Variants in CFAP74 observed in about 807,000 individuals in gnomAD.
CFAP74 encodes cilia and flagella associated protein 74.
CFAP74 carries 124 observed loss-of-function variants against 188.9 expected under a neutral mutation model. The observed-to-expected ratio is 0.66, with a 90% CI of 0.57 to 0.76. The LOEUF is 0.76. CFAP74 is among the 30% of genes least tolerant of loss of function. The pLI, the probability that CFAP74 is intolerant of heterozygous loss-of-function variation, is 0.00. For synonymous variants in CFAP74, 956 were observed against 916.7 expected, an observed-to-expected ratio of 1.04 and a Z score of -0.77; for missense variants, 2,198 against 2,165.2, an observed-to-expected ratio of 1.02 and a Z score of -0.30.
At chr1:2,000,508 C>T (rs1658156578) in intron 1 of CFAP74, among the ~76,000 whole-genome samples, 2 of 152,194 alleles carry the variant, frequency 1.3e-5, no homozygotes, top group Admixed American at 6.5e-5. Flanking sequence ...CAAAGTACCA[C>T]AACCTAGGTG....
chr1:1,973,370 G>A lies in CFAP74; in HGVS notation c.675-323C>T, dbSNP rs771466455. 2.0e-5 allele frequency among the ~76,000 whole-genome samples: 3 copies of A among 152,182 alleles called. No individual in the cohort carries two copies. Among genetic ancestry groups the A allele is most frequent in the Non-Finnish European group, 4.4e-5 (3 of 68,032 alleles). ...GTGGGGAGGGAGGAGGCAGGGGCTG[G>A]GGACCTTGTGTCTGCAGCCAGGGCC... is the stretch of plus-strand genomic sequence containing the variant. On this transcript the variant is annotated intron_variant, in intron 7 of 38. Coordinates refer to ENST00000682832, the MANE Select transcript of CFAP74 (RefSeq NM_001304360.2). This position sits in a 1 kb window ranked among gnomAD's most constrained non-coding sequence, Gnocchi z 6.2.
chr1:1,991,979 G>A (rs1657606974), intron 1 of CFAP74, among the ~76,000 whole-genome samples: 1 of 151,352 alleles, frequency 6.6e-6, no homozygotes, highest in Admixed American at 6.6e-5. Context: ...GGCGGAGCTT[G>A]CAGTGAGCCG....
In CFAP74 at chr1:1,968,347, C is replaced by G. The variant is rs1473581996; in HGVS notation, c.1245+288G>C. ...GTGGTCCCAGCCTGGTGGGCAGCAA[C>G]ACTGCTGGGGGTGACGCAGGGTCTG... On this transcript the variant is annotated intron_variant, in intron 11 of 38. Coordinates refer to ENST00000682832, the MANE Select transcript of CFAP74 (RefSeq NM_001304360.2). The surrounding 1 kb of genome is among the most constrained non-coding windows in gnomAD (Gnocchi z 4.3). Among the ~76,000 whole-genome samples, 1 of 152,116 alleles carries G rather than the reference C, an allele frequency of 6.6e-6. No homozygotes were observed. Among genetic ancestry groups the G allele is most frequent in the Non-Finnish European group, 1.5e-5 (1 of 68,004 alleles).
chr1:1,960,013 GGGCCA>G lies in CFAP74; in HGVS notation c.1707_1711del (p.Gly570ProfsTer8). On this transcript the variant is annotated frameshift_variant, in exon 15 of 39. Transcript: ENST00000682832. LOFTEE classifies it high-confidence loss of function. ...TTCACAGGACATTCCGGCTGACAGG[GGGCCA>G]GGGGGGTCAAAGCTGCAGGACGTGA... The G allele has an allele frequency of 6.3e-7, 1 of 1,593,062 alleles. No individual in the cohort carries two copies. Among genetic ancestry groups the G allele is most frequent in the Non-Finnish European group, 8.5e-7 (1 of 1,171,634 alleles).
chr1:1,943,795 C>T (rs977476149), intron 21 of CFAP74, among the ~76,000 whole-genome samples: 3 of 152,238 alleles, frequency 2.0e-5, no homozygotes, highest in Admixed American at 1.3e-4. Context: ...TCTCCACGTC[C>T]TGGAGGTCAG....
intron 6 of CFAP74, among the ~76,000 whole-genome samples, chr1:1,978,628 G>A (rs1056407940): frequency 1.1e-4 from 17 of 152,160 alleles, no homozygotes; most frequent in Non-Finnish European, 2.2e-4. Context: ...TGGAAAAGGC[G>A]AGGACATGGA....
chr1:1,937,793 CAG>C (rs1280215733), intron 25 of CFAP74, among the ~76,000 whole-genome samples: 4 of 144,934 alleles, frequency 2.8e-5, no homozygotes, highest in Non-Finnish European at 4.6e-5. Context: ...CAGGGAGGTG[CAG>C]AGACTGGCTG....
At chr1:2,001,807 G>A (rs1239459323) in intron 1 of CFAP74, among the ~76,000 whole-genome samples, 1 of 152,174 alleles carries the variant, frequency 6.6e-6, no homozygotes, top group Non-Finnish European at 1.5e-5. Context: ...TGTCCGAGAC[G>A]TGCAGTGGGA....
intron 2 of CFAP74, 95 bp downstream of exon 2, chr1:1,990,795 C>T: frequency 2.3e-6 from 2 of 885,172 alleles, no homozygotes; most frequent in Admixed American, 5.4e-5. Context: ...GATACCCTCT[C>T]CCAGAAATAA....
chr1:1,952,772 T>C (rs769888702), intron 18 of CFAP74, among the ~76,000 whole-genome samples: 1 of 152,014 alleles, frequency 6.6e-6, no homozygotes, highest in Non-Finnish European at 1.5e-5. Context: ...TTCCTGCCTT[T>C]GTCCCCCAAG....
intron 6 of CFAP74, among the ~76,000 whole-genome samples, chr1:1,980,020 G>T (rs1405862189): frequency 4.6e-5 from 7 of 151,334 alleles, no homozygotes; most frequent in Non-Finnish European, 1.0e-4. Flanking sequence ...CATGGGAGAG[G>T]CCCAAAGGCT....
chr1:1,935,341 G>T (rs1652810836), intron 25 of CFAP74, among the ~76,000 whole-genome samples: 1 of 92,404 alleles, frequency 1.1e-5, no homozygotes, highest in Non-Finnish European at 2.3e-5. Flanking sequence ...TGTGTACGTG[G>T]GTGTTAGGTT....
In CFAP74 at chr1:1,972,026, C is replaced by G. The variant is rs375945137; in HGVS notation, c.842G>C (p.Arg281Pro). 6.2e-6 allele frequency: 10 copies of G among 1,612,884 alleles called. No individual in the cohort carries two copies. Among genetic ancestry groups the G allele is most frequent in the South Asian group, 4.4e-5 (4 of 91,088 alleles). ...EMECHEYMRR[R>P]MDAVVALKGS... ...CTTCAGCGCCACCACCGCATCCATG[C>G]GTCGCCTCATGTACTCGTGGCACTC... The change falls in exon 9 of 39, where the codon CGC becomes CCC. Residue 281 changes from arginine (R) to proline (P), a missense_variant. Arg to Pro is a moderately radical substitution (Grantham distance 103). Coordinates refer to ENST00000682832, the MANE Select transcript of CFAP74 (RefSeq NM_001304360.2).
intron 22 of CFAP74, 91 bp from the exon 23 acceptor site, chr1:1,940,494 G>A (rs1475495015): frequency 3.5e-5 from 31 of 874,386 alleles, no homozygotes; most frequent in African/African-American, 5.1e-5. Flanking sequence ...TCTACATCCC[G>A]TGAGAGCTAC....
intron 6 of CFAP74, among the ~76,000 whole-genome samples, chr1:1,982,378 C>T (rs1436155251): frequency 6.6e-6 from 1 of 152,190 alleles, no homozygotes; most frequent in East Asian, 1.9e-4. Flanking sequence ...TGCAGGAGTC[C>T]CAGCTGTGGT....
Position 1,988,881 on chromosome 1 carries a change from C to T in CFAP74, c.152+8G>A, listed in dbSNP as rs201458385. 10 of 1,409,430 alleles carry T rather than the reference C, an allele frequency of 7.1e-6. No homozygotes were observed. The highest frequency in any genetic ancestry group is 2.9e-5 in the African/African-American group (2 of 68,392). The allele number at this position is 1,409,430 out of a possible 1,614,324, so 87.3% of individuals were successfully genotyped here. On this transcript the variant is annotated splice_region_variant and intron_variant, in intron 3 of 38. Transcript: ENST00000682832. ...ACACCCACCTCCACCCCCGATCCTCCGAGTTACCTGCTGTGTCCCGGGTCC... is the reference window on the plus strand; with the variant it reads ...ACACCCACCTCCACCCCCGATCCTCTGAGTTACCTGCTGTGTCCCGGGTCC...
chr1:1,931,545 GCTAACACGGCGAAAC>G (rs1376579550), intron 25 of CFAP74, among the ~76,000 whole-genome samples: 1 of 149,274 alleles, frequency 6.7e-6, no homozygotes, highest in Non-Finnish European at 1.5e-5. Context: ...GACCATCCTG[GCTAACACGGCGAAAC>G]CCCGTCGCTA....
chr1:1,975,694 G>A lies in CFAP74; in HGVS notation c.501-1496C>T, dbSNP rs1656391557. 6.6e-6 allele frequency among the ~76,000 whole-genome samples: 1 copy of A among 152,180 alleles called. No homozygotes were observed. The highest frequency in any genetic ancestry group is 1.5e-5 in the Non-Finnish European group (1 of 68,040). ...CCCCAAGTCTGGGGGACTCCGCGGA[G>A]CTTCCACGGGCGGGTTATTTCTATT... On this transcript the variant is annotated intron_variant, in intron 6 of 38. Coordinates refer to ENST00000682832, the MANE Select transcript of CFAP74 (RefSeq NM_001304360.2). The surrounding 1 kb of genome is among the most constrained non-coding windows in gnomAD (Gnocchi z 4.5).
chr1:1,926,906 G>A lies in CFAP74; in HGVS notation c.3650C>T (p.Pro1217Leu), dbSNP rs1161767183. Reference protein sequence around the residue: ...GDIKDRKGSEPLSFSPHNTLY... With the variant: ...GDIKDRKGSELLSFSPHNTLY... ...GAGCACCCCGCACCTGAAGCTCAGG[G>A]GTTCTGACCCCTTCCTGTCTTTGAT... is the stretch of plus-strand genomic sequence containing the variant. The change falls in exon 29 of 39, where the codon CCC (proline) becomes CTC (leucine). Residue 1217 changes from proline (P) to leucine (L), a missense_variant. Physicochemically the swap from Pro to Leu is moderately conservative, Grantham distance 98. Coordinates refer to ENST00000682832, the MANE Select transcript of CFAP74 (RefSeq NM_001304360.2). 1.3e-6 allele frequency: 2 copies of A among 1,550,050 alleles called. No homozygotes were observed. Among genetic ancestry groups the A allele is most frequent in the Non-Finnish European group, 1.7e-6 (2 of 1,146,780 alleles).
Sources: gnomAD v4.1 joint callset for allele counts (sites outside exome capture counted in the v4.1 genomes callset) on GRCh38, gnomAD v4.1.1 for gene constraint, Gnocchi (gnomAD v3.1) non-coding constraint, MANE v1.5 for transcripts, NCBI Gene and HGNC (gene_info 2026-07-23, HGNC 2026-07-21) for gene names.